The following GRM8 variants were observed in gnomAD, a reference collection of about 807,000 sequenced individuals.
The protein encoded by GRM8 is metabotropic glutamate receptor 8.
GRM8 carries 47 observed loss-of-function variants against 87.2 expected under a neutral mutation model. The ratio of observed to expected loss-of-function variants is 0.54; its 90% confidence interval spans 0.43 to 0.69. The LOEUF (loss-of-function observed/expected upper bound fraction) is 0.69. GRM8 is among the 30% of genes least tolerant of loss of function. The probability of loss-of-function intolerance (pLI) is 0.00; values close to 1 mark genes in which losing one functional copy is unlikely to be tolerated. For synonymous variants in GRM8, 396 were observed against 404.5 expected, an observed-to-expected ratio of 0.98 and a Z score of 0.25; for missense variants, 1,019 against 1,139.2, an observed-to-expected ratio of 0.89 and a Z score of 1.52.
intron 2 of GRM8, chr7:127,229,269 G>A: frequency 6.6e-6 from 1 of 152,226 alleles, no homozygotes; most frequent in Non-Finnish European, 1.5e-5. Flanking sequence ...CCGAGAGGAT[G>A]TTGGCTCAGA....
intron 3 of GRM8, among the ~76,000 whole-genome samples, chr7:126,977,909 T>G (rs1303958332): frequency 6.6e-6 from 1 of 151,972 alleles, no homozygotes; most frequent in African/African-American, 2.4e-5. Context: ...AAAAATAAAT[T>G]TTAAAGTACT....
intron 6 of GRM8, among the ~76,000 whole-genome samples, chr7:126,818,385 T>C (rs1158300847): frequency 6.6e-6 from 1 of 152,182 alleles, no homozygotes; most frequent in Non-Finnish European, 1.5e-5. Context: ...TTATCTTCTT[T>C]AAGTGAATAA....
intron 9 of GRM8, among the ~76,000 whole-genome samples, chr7:126,456,668 A>G (rs17680009): frequency 0.062 from 9,360 of 151,426 alleles, 374 homozygotes; most frequent in Middle Eastern, 0.11. Context: ...TGAGGAGGAA[A>G]GGTAAATCAG....
intron 7 of GRM8, among the ~76,000 whole-genome samples, chr7:126,747,009 A>G (rs1815778450): frequency 6.6e-6 from 1 of 151,856 alleles, no homozygotes; most frequent in Non-Finnish European, 1.5e-5. Flanking sequence ...AAATGTATGT[A>G]TCTTAACTCC....
At chr7:127,170,857 G>A (rs899330165) in intron 2 of GRM8, among the ~76,000 whole-genome samples, 1 of 152,102 alleles carries the variant, frequency 6.6e-6, no homozygotes, top group Non-Finnish European at 1.5e-5. Flanking sequence ...GTGGGAGAAG[G>A]GTGAGGGATA....
chr7:126,849,351 A>T (rs966649780), intron 6 of GRM8, among the ~76,000 whole-genome samples: 2 of 152,156 alleles, frequency 1.3e-5, no homozygotes, highest in Admixed American at 6.5e-5. Context: ...GTCTCAAAGG[A>T]GGGAATTTTA....
chr7:127,174,113 T>C (rs1320581366), intron 2 of GRM8, among the ~76,000 whole-genome samples: 2 of 152,152 alleles, frequency 1.3e-5, no homozygotes, highest in Non-Finnish European at 2.9e-5. Flanking sequence ...TCATCATACA[T>C]ACATTTTCTA....
At chr7:126,711,475 T>A (rs1052289722) in intron 7 of GRM8, among the ~76,000 whole-genome samples, 2 of 152,194 alleles carry the variant, frequency 1.3e-5, no homozygotes, top group Non-Finnish European at 2.9e-5. Flanking sequence ...ACAGACTAGA[T>A]TTAGCATAAT....
intron 2 of GRM8, among the ~76,000 whole-genome samples, chr7:127,224,079 C>CA (rs981715702): frequency 9.9e-5 from 15 of 151,234 alleles, no homozygotes; most frequent in South Asian, 4.2e-4. Context: ...TGTTGAACTA[C>CA]AAAAAAAAGA....
chr7:126,462,309 A>G (rs1402543807), intron 9 of GRM8, among the ~76,000 whole-genome samples: 1 of 151,618 alleles, frequency 6.6e-6, no homozygotes, highest in East Asian at 1.9e-4. Flanking sequence ...TTTATATATT[A>G]TGGTGTTAAA....
intron 7 of GRM8, among the ~76,000 whole-genome samples, chr7:126,727,850 T>C (rs1021271624): frequency 1.3e-5 from 2 of 152,088 alleles, no homozygotes; most frequent in Non-Finnish European, 2.9e-5. Flanking sequence ...CCTGAAAACT[T>C]GAGTAGCTGG....
rs561501581 is a variant in GRM8 at position 126,618,998 on chromosome 7, A to C, written c.1358-9500T>G. Reference sequence around the variant, plus strand: ...TCAAGGATCTAGAACTAGAAACACCATTTGACCCAGCCATCCCATTACTGG... The same window carrying C: ...TCAAGGATCTAGAACTAGAAACACCCTTTGACCCAGCCATCCCATTACTGG... On this transcript the variant is annotated intron_variant, in intron 7 of 10. Transcript: ENST00000339582. Among the ~76,000 whole-genome samples the C allele has an allele frequency of 2.4e-3, 373 of 152,318 alleles. 1 individual carries two copies. Among genetic ancestry groups the C allele is most frequent in the Non-Finnish European group, 4.0e-3 (270 of 68,030 alleles).
chr7:126,850,519 G>A (rs1419647586), intron 6 of GRM8, among the ~76,000 whole-genome samples: 1 of 152,176 alleles, frequency 6.6e-6, no homozygotes, highest in East Asian at 1.9e-4. Flanking sequence ...GTTTTAGTAA[G>A]ATGAGGTTAG....
intron 6 of GRM8, among the ~76,000 whole-genome samples, chr7:126,866,889 C>T (rs1205897273): frequency 2.0e-5 from 3 of 151,972 alleles, no homozygotes; most frequent in African/African-American, 4.8e-5. Context: ...CGCGCCCTGC[C>T]TTGACTCAAT....
chr7:126,607,587 A>G (rs1005176031), intron 8 of GRM8, among the ~76,000 whole-genome samples: 2 of 152,172 alleles, frequency 1.3e-5, no homozygotes, highest in Non-Finnish European at 2.9e-5. Context: ...TTTTTGCTAG[A>G]GGAAAGAGTG....
intron 7 of GRM8, among the ~76,000 whole-genome samples, chr7:126,642,218 T>C (rs1373748138): frequency 1.3e-5 from 2 of 152,234 alleles, no homozygotes; most frequent in East Asian, 1.9e-4. Context: ...GAGGAGCACA[T>C]TGCACAACTC....
chr7:126,453,133 T>G lies in GRM8; in HGVS notation c.2431-6761A>C, dbSNP rs1411976743. Among the ~76,000 whole-genome samples, 4 of 149,796 alleles carry G rather than the reference T, an allele frequency of 2.7e-5. No homozygotes were observed. In the East Asian group the frequency reaches 8.0e-4, roughly 30 times the overall value. ...CACACATACAAGCAAAATGGTTTAT[T>G]CATAAGGAAATATACTTTATGTTTG... On this transcript the variant is annotated intron_variant, in intron 9 of 10. Transcript: ENST00000339582.
At chr7:126,593,905 A>G (rs1011313321) in intron 8 of GRM8, among the ~76,000 whole-genome samples, 1 of 152,062 alleles carries the variant, frequency 6.6e-6, no homozygotes, top group African/African-American at 2.4e-5. Context: ...TTAGCAAGAA[A>G]ACAAATAACC....
chr7:126,502,677 G>A (rs544343425), intron 9 of GRM8, among the ~76,000 whole-genome samples: 2 of 151,994 alleles, frequency 1.3e-5, no homozygotes, highest in East Asian at 3.9e-4. Flanking sequence ...TTTATTCTTG[G>A]TAAATGACTT....
Sources: allele counts gnomAD v4.1 joint callset (sites outside exome capture counted in the v4.1 genomes callset), GRCh38; gene constraint gnomAD v4.1.1; transcripts MANE v1.5; gene names NCBI Gene and HGNC (gene_info 2026-07-23, HGNC 2026-07-21).